The following CHL1 variants were observed in gnomAD, a reference collection of about 807,000 sequenced individuals.
CHL1 encodes the protein neural cell adhesion molecule L1-like protein.
A neutral mutation model predicts 141.9 loss-of-function variants in CHL1; 96 were observed. The ratio of observed to expected loss-of-function variants is 0.68; its 90% CI spans 0.57 to 0.80. CHL1 has a LOEUF of 0.80. CHL1 is among the 30% of genes least tolerant of loss of function. The pLI is 0.00. For missense variants in CHL1, 1,820 were observed against 1,457.2 expected, an observed-to-expected ratio of 1.25 and a Z score of -4.05; for synonymous variants, 613 against 502.2, an observed-to-expected ratio of 1.22 and a Z score of -2.95.
intron 5 of CHL1, among the ~76,000 whole-genome samples, chr3:334,431 C>T (rs995447915): frequency 2.0e-5 from 3 of 152,124 alleles, no homozygotes; most frequent in Non-Finnish European, 4.4e-5. Context: ...TGCCCATTTG[C>T]AGTCACTCTC....
At chr3:240,978 C>T (rs1244562233) in intron 1 of CHL1, among the ~76,000 whole-genome samples, 1 of 152,040 alleles carries the variant, frequency 6.6e-6, no homozygotes, top group Non-Finnish European at 1.5e-5. Context: ...ATACAAGTAC[C>T]ATGCTGTTTT....
At chr3:328,602 T>C (rs1701194490) in intron 5 of CHL1, 2 of 337,660 alleles carry the variant, frequency 5.9e-6, no homozygotes, top group Admixed American at 9.3e-5. Flanking sequence ...ATATCTGCTT[T>C]GCCTTATAAG....
intron 2 of CHL1, among the ~76,000 whole-genome samples, chr3:274,237 G>A (rs1266364469): frequency 6.6e-6 from 1 of 152,180 alleles, no homozygotes; most frequent in Non-Finnish European, 1.5e-5. Flanking sequence ...TCTCTGGATA[G>A]ATTGTTAAAA....
intron 4 of CHL1, among the ~76,000 whole-genome samples, chr3:326,990 T>C (rs983441732): frequency 4.0e-5 from 6 of 151,898 alleles, no homozygotes; most frequent in African/African-American, 1.4e-4. Flanking sequence ...AGAATTACAA[T>C]GGAATTAAGG....
At chr3:388,848 C>G (rs907621449) in intron 19 of CHL1, among the ~76,000 whole-genome samples, 12 of 152,170 alleles carry the variant, frequency 7.9e-5, no homozygotes, top group Non-Finnish European at 1.6e-4. Context: ...CATTCACAAC[C>G]AAAGAATTCG....
Position 342,097 on chromosome 3 carries a change from T to G in CHL1, c.679+15T>G, listed in dbSNP as rs1350109750. ...AGTTAACAGTTGTAAGTCCACATAA[T>G]TTATCGTTTCATCATGTATGCTGAA... On this transcript the variant is annotated intron_variant, in intron 7 of 27. Coordinates refer to ENST00000256509, the MANE Select transcript of CHL1 (RefSeq NM_006614.4). The G allele has an allele frequency of 1.9e-6, 3 of 1,596,002 alleles. No homozygotes were observed. The South Asian group carries it at 3.3e-5, about 18-fold the overall frequency.
chr3:303,910 G>A (rs79827175), intron 2 of CHL1, among the ~76,000 whole-genome samples: 22,497 of 152,008 alleles, frequency 0.15, 2,135 homozygotes, highest in East Asian at 0.35. Context: ...TTGATACCTA[G>A]TTTATTGAGA....
chr3:240,558 A>T (rs1398788466), intron 1 of CHL1, among the ~76,000 whole-genome samples: 3 of 152,128 alleles, frequency 2.0e-5, no homozygotes, highest in Non-Finnish European at 4.4e-5. Context: ...TTGTCTATTT[A>T]TTCTGCTGAC....
intron 2 of CHL1, among the ~76,000 whole-genome samples, chr3:251,149 T>A (rs1209562784): frequency 6.6e-6 from 1 of 152,036 alleles, no homozygotes; most frequent in Non-Finnish European, 1.5e-5. Flanking sequence ...AGTTGAGAAG[T>A]AAACTAAACC....
intron 14 of CHL1, among the ~76,000 whole-genome samples, chr3:365,702 T>G (rs905387284): frequency 2.0e-5 from 3 of 152,176 alleles, no homozygotes; most frequent in Admixed American, 2.0e-4. Flanking sequence ...CTTACTCCCT[T>G]CCCCAAGAAA....
At chr3:353,788 C>T (rs1363584630) in intron 10 of CHL1, among the ~76,000 whole-genome samples, 1 of 152,154 alleles carries the variant, frequency 6.6e-6, no homozygotes, top group African/African-American at 2.4e-5. Context: ...CCAAACTACA[C>T]TTGATGGGAG....
At chr3:250,562 A>T (rs1174767153) in intron 2 of CHL1, among the ~76,000 whole-genome samples, 1 of 152,034 alleles carries the variant, frequency 6.6e-6, no homozygotes, top group Non-Finnish European at 1.5e-5. Context: ...CAGCAGTGGG[A>T]ACGGGGAAGA....
chr3:296,088 G>A (rs1314411712), intron 2 of CHL1, among the ~76,000 whole-genome samples: 6 of 152,050 alleles, frequency 3.9e-5, no homozygotes, highest in African/African-American at 1.2e-4. Flanking sequence ...CCTTCTTAGT[G>A]AATGCAATGT....
intron 26 of CHL1, 152 bp downstream of exon 26, chr3:399,300 C>A: frequency 4.8e-6 from 3 of 623,418 alleles, no homozygotes; most frequent in South Asian, 2.0e-5. Flanking sequence ...AAACGTATTG[C>A]TAAATTAACC....
chr3:279,930 A>G (rs1282170969), intron 2 of CHL1, among the ~76,000 whole-genome samples: 1 of 152,186 alleles, frequency 6.6e-6, no homozygotes. Context: ...CTTGACAAGC[A>G]TTTATTTTTT....
At chr3:291,705 T>G (rs186130055) in intron 2 of CHL1, among the ~76,000 whole-genome samples, 78 of 152,302 alleles carry the variant, frequency 5.1e-4, no homozygotes, top group African/African-American at 1.9e-3. Context: ...CTCATTTTTT[T>G]AAAATACTGA....
At chr3:230,412 GA>G (rs1317010700) in intron 1 of CHL1, among the ~76,000 whole-genome samples, 5 of 151,668 alleles carry the variant, frequency 3.3e-5, no homozygotes, top group Admixed American at 2.0e-4. Flanking sequence ...CTGATGACTT[GA>G]AAAAAATATG....
chr3:272,601 A>G (rs1383645681), intron 2 of CHL1, among the ~76,000 whole-genome samples: 1 of 152,228 alleles, frequency 6.6e-6, no homozygotes, highest in Admixed American at 6.5e-5. Context: ...GGCAAAAGGG[A>G]ATTTTAGATC....
intron 22 of CHL1, 78 bp from the exon 23 acceptor site, chr3:391,597 A>G (rs1708231377): frequency 5.2e-6 from 5 of 959,560 alleles, no homozygotes; most frequent in South Asian, 4.6e-5. Context: ...GTCAATTTCT[A>G]TAAAATTTAT....
Sources: gnomAD v4.1 joint callset for allele counts (sites outside exome capture counted in the v4.1 genomes callset) on GRCh38, gnomAD v4.1.1 for gene constraint, MANE v1.5 for transcripts, NCBI Gene and HGNC (gene_info 2026-07-23, HGNC 2026-07-21) for gene names.